The following PPM1H variants were observed in gnomAD, a reference collection of about 807,000 sequenced individuals.
PPM1H encodes protein phosphatase, Mg2+/Mn2+ dependent 1H, also known as protein phosphatase 1H.
A neutral mutation model predicts 54.9 loss-of-function variants in PPM1H; 27 were observed. That is an observed-to-expected ratio of 0.49 (90% CI 0.36 to 0.68). The LOEUF (loss-of-function observed/expected upper bound fraction) is 0.68. Among genes scored for constraint, PPM1H ranks in the 30% least tolerant of loss-of-function variants. PPM1H has a pLI of 0.00. For synonymous variants in PPM1H, 305 were observed against 270.8 expected (o/e 1.13, Z -1.24); for missense variants, 596 against 667.8 (o/e 0.89, Z 1.19).
At chr12:62,858,421 A>C (rs935231004) in intron 1 of PPM1H, among the ~76,000 whole-genome samples, 2 of 151,850 alleles carry the variant, frequency 1.3e-5, no homozygotes, top group African/African-American at 4.8e-5. Flanking sequence ...CAGCCCTGCC[A>C]AGTGTAACTG....
At chr12:62,661,976 G>C (rs1330912357) in intron 9 of PPM1H, among the ~76,000 whole-genome samples, 1 of 152,102 alleles carries the variant, frequency 6.6e-6, no homozygotes, top group African/African-American at 2.4e-5. Flanking sequence ...TATTGCTTTG[G>C]TTTGCCATCT....
At chr12:62,730,286 A>C (rs2076314268) in intron 5 of PPM1H, among the ~76,000 whole-genome samples, 1 of 152,206 alleles carries the variant, frequency 6.6e-6, no homozygotes, top group Admixed American at 6.5e-5. Flanking sequence ...TGTTACAAAC[A>C]GTGCTGCTAT....
At chr12:62,881,331 A>T (rs947969012) in intron 1 of PPM1H, among the ~76,000 whole-genome samples, 1 of 152,110 alleles carries the variant, frequency 6.6e-6, no homozygotes, top group Admixed American at 6.6e-5. Flanking sequence ...ATGTAATTAA[A>T]GTCCCTAATC....
intron 9 of PPM1H, among the ~76,000 whole-genome samples, chr12:62,650,624 G>T (rs186058458): frequency 7.4e-4 from 112 of 152,308 alleles, no homozygotes; most frequent in Middle Eastern, 3.4e-3. Flanking sequence ...AGGTTTAATT[G>T]TCTCACAGTT....
chr12:62,807,898 C>T (rs1219887343), intron 2 of PPM1H, among the ~76,000 whole-genome samples: 1 of 152,194 alleles, frequency 6.6e-6, no homozygotes. Context: ...AGTGCACTGG[C>T]ACAACCACGA....
At chr12:62,830,094 G>C (rs536229968) in intron 2 of PPM1H, among the ~76,000 whole-genome samples, 194 of 152,302 alleles carry the variant, frequency 1.3e-3, no homozygotes, top group African/African-American at 4.3e-3. Context: ...GAATAACGAA[G>C]TGGGACTAAC....
Position 62,801,797 on chromosome 12 carries a change from G to T in PPM1H, c.756+19C>A. ...GCGCCAGCCTGGCCCTGCTGCCCCA[G>T]ACTCCCAGGAATACCTACCATTTCC... On this transcript the variant is annotated intron_variant, in intron 3 of 9. Transcript: ENST00000228705. The T allele has an allele frequency of 1.2e-6, 2 of 1,612,482 alleles. No homozygotes were observed. Among genetic ancestry groups the T allele is most frequent in the Non-Finnish European group, 1.7e-6 (2 of 1,178,836 alleles).
Position 62,654,934 on chromosome 12 carries a change from C to T in PPM1H, c.1398-6298G>A, listed in dbSNP as rs969131547. On this transcript the variant is annotated intron_variant, in intron 9 of 9. Coordinates refer to ENST00000228705, the MANE Select transcript of PPM1H (RefSeq NM_020700.2). ...TCTTCCTACCCTGTTCCCAGGAGGT[C>T]GGATTCCTTCACACGGCTTCTCTCC... is the stretch of plus-strand genomic sequence containing the variant. Among the ~76,000 whole-genome samples, 5 of 152,136 alleles carry T rather than the reference C, an allele frequency of 3.3e-5. No homozygotes were observed. The South Asian group carries it at 8.3e-4, about 25-fold the overall frequency.
intron 1 of PPM1H, among the ~76,000 whole-genome samples, chr12:62,888,394 T>C (rs1870666733): frequency 6.6e-6 from 1 of 152,032 alleles, no homozygotes; most frequent in African/African-American, 2.4e-5. Context: ...ACACATTTGG[T>C]CACCATCTAC....
At chr12:62,657,838 TAATCTCTTCCTTCCA>T (rs1419324287) in intron 9 of PPM1H, among the ~76,000 whole-genome samples, 3 of 152,194 alleles carry the variant, frequency 2.0e-5, no homozygotes, top group Non-Finnish European at 4.4e-5. Flanking sequence ...TTTCACTGAT[TAATCTCTTCCTTCCA>T]AGGCACACAG....
chr12:62,807,222 A>AT (rs2076809898), intron 2 of PPM1H, among the ~76,000 whole-genome samples: 1 of 152,240 alleles, frequency 6.6e-6, no homozygotes, highest in Non-Finnish European at 1.5e-5. Flanking sequence ...TGGCTTTAGC[A>AT]TAAGTGTAAC....
At chr12:62,731,756 G>T (rs996044346) in intron 5 of PPM1H, among the ~76,000 whole-genome samples, 5 of 152,190 alleles carry the variant, frequency 3.3e-5, no homozygotes, top group African/African-American at 1.2e-4. Context: ...AAGATATGAT[G>T]ACACCGGCAC....
chr12:62,821,354 T>C (rs1287940425), intron 2 of PPM1H, among the ~76,000 whole-genome samples: 1 of 152,218 alleles, frequency 6.6e-6, no homozygotes, highest in Non-Finnish European at 1.5e-5. Flanking sequence ...TCTGCCAGGA[T>C]ATGATCCAGG....
At chr12:62,920,182 T>C (rs1415245501) in intron 1 of PPM1H, among the ~76,000 whole-genome samples, 2 of 152,198 alleles carry the variant, frequency 1.3e-5, no homozygotes, top group African/African-American at 4.8e-5. Flanking sequence ...CCATACCTTA[T>C]GGGGAAACAC....
chr12:62,874,093 G>C (rs1047604424), intron 1 of PPM1H, among the ~76,000 whole-genome samples: 1 of 152,178 alleles, frequency 6.6e-6, no homozygotes, highest in Non-Finnish European at 1.5e-5. Flanking sequence ...CCCCACCCTA[G>C]ACTGTAAAGA....
intron 5 of PPM1H, among the ~76,000 whole-genome samples, chr12:62,729,356 G>T (rs934436221): frequency 6.6e-5 from 10 of 152,206 alleles, no homozygotes; most frequent in African/African-American, 2.4e-4. Flanking sequence ...TCCTAGGAGA[G>T]AAGAGAGTGG....
At chr12:62,808,305 A>T (rs1467002985) in intron 2 of PPM1H, among the ~76,000 whole-genome samples, 1 of 152,180 alleles carries the variant, frequency 6.6e-6, no homozygotes, top group Non-Finnish European at 1.5e-5. Flanking sequence ...GTCACCACCT[A>T]TTAAGTTGTG....
intron 1 of PPM1H, among the ~76,000 whole-genome samples, chr12:62,882,942 T>A (rs1262473826): frequency 1.4e-4 from 22 of 152,226 alleles, no homozygotes; most frequent in African/African-American, 5.3e-4. Flanking sequence ...CCCCATCTGT[T>A]TAGCAAAGGC....
intron 6 of PPM1H, among the ~76,000 whole-genome samples, chr12:62,702,259 A>C (rs926989264): frequency 2.0e-5 from 3 of 152,210 alleles, no homozygotes; most frequent in Non-Finnish European, 4.4e-5. Flanking sequence ...TCTCTCGTCT[A>C]TTCCTTTCTC....
Sources: allele counts gnomAD v4.1 joint callset (sites outside exome capture counted in the v4.1 genomes callset), GRCh38; gene constraint gnomAD v4.1.1; transcripts MANE v1.5; gene names NCBI Gene and HGNC (gene_info 2026-07-23, HGNC 2026-07-21).